Variants in CHP1 observed in about 807,000 individuals in gnomAD.
CHP1 encodes calcineurin B homologous protein 1.
CHP1 carries 11 observed loss-of-function variants against 27.4 expected under a neutral mutation model. That is an observed-to-expected ratio of 0.40 (90% confidence interval 0.25 to 0.67). The LOEUF (loss-of-function observed/expected upper bound fraction) is 0.67, where lower values mean the gene tolerates loss of function less well. Among genes scored for constraint, CHP1 ranks in the 30% least tolerant of loss-of-function variants. The pLI is 0.38. For missense variants in CHP1, 169 were observed against 251.3 expected, an observed-to-expected ratio of 0.67 and a Z score of 2.22; for synonymous variants, 89 against 87.4, an observed-to-expected ratio of 1.02 and a Z score of -0.10.
At chr15:41,275,731 C>G (rs1595483526) in intron 5 of CHP1, among the ~76,000 whole-genome samples, 1 of 152,036 alleles carries the variant, frequency 6.6e-6, no homozygotes, top group Non-Finnish European at 1.5e-5. Flanking sequence ...ACTACCACAC[C>G]TGGCTTGTAA....
At position 41,231,298 on chromosome 15, in the gene CHP1, C is replaced by G; in HGVS notation, c.-85C>G. On this transcript the variant is annotated 5_prime_UTR_variant, in exon 1 of 7. Transcript: ENST00000334660. ...AAACACTGCCCTCTCCCTTCTTGACCCCTAGCCCTTCCTTCCCTCCCTCCT... is the reference window on the plus strand; with the variant it reads ...AAACACTGCCCTCTCCCTTCTTGACGCCTAGCCCTTCCTTCCCTCCCTCCT... 1 of 1,329,082 alleles carries G rather than the reference C, an allele frequency of 7.5e-7. No individual in the cohort carries two copies. Among genetic ancestry groups the G allele is most frequent in the Non-Finnish European group, 1.1e-6 (1 of 945,190 alleles). The allele number at this position is 1,329,082 out of a possible 1,614,324, so 82.3% of individuals were successfully genotyped here.
At chr15:41,234,339 G>A (rs1484274095) in intron 1 of CHP1, 6 of 152,148 alleles carry the variant, frequency 3.9e-5, no homozygotes, top group Non-Finnish European at 7.3e-5. Context: ...TGGGTAGAGA[G>A]GTGGAATTTG....
chr15:41,251,174 C>T (rs2047364836), intron 2 of CHP1, among the ~76,000 whole-genome samples: 1 of 152,062 alleles, frequency 6.6e-6, no homozygotes, highest in Non-Finnish European at 1.5e-5. Flanking sequence ...GTATAACATA[C>T]AGAAAAGTGC....
At position 41,280,139 on chromosome 15, in the gene CHP1, T is replaced by A. The variant is rs569610929; in HGVS notation, c.*750T>A. 4.9e-4 allele frequency: 75 copies of A among 152,370 alleles called. No individual in the cohort carries two copies. Among genetic ancestry groups the A allele is most frequent in the African/African-American group, 1.7e-3 (70 of 41,556 alleles). 9.4% of individuals were successfully genotyped at this position (152,370 alleles called of 1,614,324 possible). A position where few individuals can be genotyped will look rare whatever the true frequency, so the allele number is the denominator to read the frequency against. ...TTTGAAAGGTGGCCTTGGTGAGAGG[T>A]ATGGAGCCAAGTCTTCTAGGTTGCT... On this transcript the variant is annotated 3_prime_UTR_variant, in exon 7 of 7. Transcript: ENST00000334660.
At chr15:41,238,808 C>T (rs563338137) in intron 1 of CHP1, among the ~76,000 whole-genome samples, 2 of 152,124 alleles carry the variant, frequency 1.3e-5, no homozygotes, top group South Asian at 4.2e-4. Context: ...GCCAAGATCG[C>T]GCCACTGCAC....
rs749581239 is a variant in CHP1 at position 41,279,395 on chromosome 15, A to T, written c.*6A>T. ...GCATCCGATTTCTTCACTAAAGGAG[A>T]CCAAACTGTTCCTTGCGGTCTAGTA... On this transcript the variant is annotated 3_prime_UTR_variant, in exon 7 of 7. Transcript: ENST00000334660. The T allele has an allele frequency of 3.1e-6, 5 of 1,611,848 alleles. No individual in the cohort carries two copies. In the Admixed American group the frequency reaches 8.3e-5, roughly 27 times the overall value.
At chr15:41,257,595 G>A (rs531726858) in intron 3 of CHP1, among the ~76,000 whole-genome samples, 36 of 151,564 alleles carry the variant, frequency 2.4e-4, no homozygotes, top group African/African-American at 8.5e-4. Flanking sequence ...AGTCTTGCTC[G>A]GTCGCTCAGG....
intron 1 of CHP1, among the ~76,000 whole-genome samples, chr15:41,237,152 T>C (rs528312239): frequency 9.0e-4 from 134 of 148,864 alleles, no homozygotes; most frequent in Non-Finnish European, 1.6e-3. Flanking sequence ...TTTTCTTTTT[T>C]TTTTTTTAAT....
intron 2 of CHP1, among the ~76,000 whole-genome samples, chr15:41,250,679 C>T (rs1286524661): frequency 2.8e-5 from 4 of 141,620 alleles, no homozygotes; most frequent in African/African-American, 1.0e-4. Context: ...AAAAAAGGAA[C>T]AGAAGCAAAC....
At chr15:41,256,621 A>G in intron 2 of CHP1, 1 of 383,492 alleles carries the variant, frequency 2.6e-6, no homozygotes, top group Non-Finnish European at 4.8e-6. Context: ...TCATTTACTA[A>G]GGGACAGCTT....
At position 41,279,422 on chromosome 15, in the gene CHP1, T is replaced by A. The variant is rs547230808; in HGVS notation, c.*33T>A. 4.4e-6 allele frequency: 7 copies of A among 1,589,638 alleles called. No individual in the cohort carries two copies. The highest frequency in any genetic ancestry group is 3.3e-5 in the South Asian group (3 of 90,210). On this transcript the variant is annotated 3_prime_UTR_variant, in exon 7 of 7. Transcript: ENST00000334660. ...CAAACTGTTCCTTGCGGTCTAGTAT[T>A]TAAGAACTGGAACTTGAAAGTCCTC...
In CHP1 at chr15:41,279,687, TGA is replaced by T. The variant is rs1312083701; in HGVS notation, c.*304_*305del. ...CACACATCCATCCAGTCTGAGAAAG[TGA>T]GAGAGGCAATCATGCCAAGAACAAG... is the stretch of plus-strand genomic sequence containing the variant. On this transcript the variant is annotated 3_prime_UTR_variant, in exon 7 of 7. Transcript: ENST00000334660. 1 of 324,670 alleles carries T rather than the reference TGA, an allele frequency of 3.1e-6. No individual in the cohort carries two copies. The highest frequency in any genetic ancestry group is 5.7e-6 in the Non-Finnish European group (1 of 176,522). The allele number at this position is 324,670 out of a possible 1,614,324, so 20.1% of individuals were successfully genotyped here.
chr15:41,270,770 A>G (rs2047484674), intron 5 of CHP1, 152 bp downstream of exon 5: 2 of 622,122 alleles, frequency 3.2e-6, no homozygotes, highest in Non-Finnish European at 5.6e-6. Flanking sequence ...TGACCTGGGA[A>G]AACTTGAAAT....
At chr15:41,236,825 A>T (rs1181286473) in intron 1 of CHP1, among the ~76,000 whole-genome samples, 1 of 139,276 alleles carries the variant, frequency 7.2e-6, no homozygotes, top group African/African-American at 2.9e-5. Flanking sequence ...ATACTTCTTA[A>T]TACTATCTTT....
At chr15:41,257,584 G>C (rs1456628127) in intron 3 of CHP1, among the ~76,000 whole-genome samples, 1 of 151,796 alleles carries the variant, frequency 6.6e-6, no homozygotes. Context: ...TTTTAAGACA[G>C]AGTCTTGCTC....
chr15:41,270,467 G>A, intron 4 of CHP1, 90 bp from the exon 5 acceptor site: 2 of 956,806 alleles, frequency 2.1e-6, no homozygotes, highest in South Asian at 1.4e-5. Context: ...TTGGCTGTCA[G>A]TTTTCTGTCT....
At chr15:41,262,059 G>C (rs1311746677) in intron 3 of CHP1, among the ~76,000 whole-genome samples, 2 of 149,396 alleles carry the variant, frequency 1.3e-5, no homozygotes, top group African/African-American at 4.9e-5. Flanking sequence ...GTTCCAGCTA[G>C]TCAGGAGGCT....
chr15:41,272,664 G>A (rs541450689), intron 5 of CHP1, among the ~76,000 whole-genome samples: 9 of 151,608 alleles, frequency 5.9e-5, no homozygotes, highest in African/African-American at 2.2e-4. Flanking sequence ...CAAGCAGTTC[G>A]CCCACTTCAG....
intron 2 of CHP1, among the ~76,000 whole-genome samples, chr15:41,246,005 A>T: frequency 6.6e-6 from 1 of 152,104 alleles, no homozygotes; most frequent in East Asian, 1.9e-4. Flanking sequence ...AGAGTCCAAC[A>T]TCATTTTTTT....
Sources: allele counts gnomAD v4.1 joint callset (sites outside exome capture counted in the v4.1 genomes callset), GRCh38; gene constraint gnomAD v4.1.1; transcripts MANE v1.5; gene names NCBI Gene and HGNC (gene_info 2026-07-23, HGNC 2026-07-21).